The following PDE1C variants were observed in gnomAD, a reference collection of about 807,000 sequenced individuals.
The protein encoded by PDE1C is phosphodiesterase 1C.
PDE1C carries 62 observed loss-of-function variants against 93.1 expected under a neutral mutation model. That is an observed-to-expected ratio of 0.67 (90% CI 0.54 to 0.82). The LOEUF (loss-of-function observed/expected upper bound fraction) is 0.82, where lower values mean the gene tolerates loss of function less well. PDE1C is among the 40% of genes least tolerant of loss of function. The pLI is 0.00. For missense variants in PDE1C, 742 were observed against 884.6 expected (o/e 0.84, Z 2.04); for synonymous variants, 325 against 310.1 (o/e 1.05, Z -0.50).
chr7:31,643,792 T>C, the PDE1C span: 1 of 1,613,980 alleles, frequency 6.2e-7, no homozygotes, highest in Non-Finnish European at 8.5e-7. Context: ...CTGCTGCATC[T>C]GCTGTCATCA....
chr7:32,013,390 G>GA (rs1157097563), intron 2 of PDE1C, among the ~76,000 whole-genome samples: 1 of 152,174 alleles, frequency 6.6e-6, no homozygotes, highest in Non-Finnish European at 1.5e-5. Context: ...ACTTTCTGCA[G>GA]AAAGGTACAC....
chr7:32,258,828 CTT>C (rs946200387), intron 1 of PDE1C, among the ~76,000 whole-genome samples: 6 of 152,156 alleles, frequency 3.9e-5, no homozygotes, highest in Non-Finnish European at 8.8e-5. Flanking sequence ...TCAAGGAATC[CTT>C]CAAAAGGCCC....
the PDE1C span, among the ~76,000 whole-genome samples, chr7:31,663,871 A>G: frequency 6.6e-6 from 1 of 152,178 alleles, no homozygotes; most frequent in African/African-American, 2.4e-5. Context: ...TTCTGCACGT[A>G]TTTCATTCTC....
intron 16 of PDE1C, chr7:31,788,704 A>C (rs968929411): frequency 2.0e-5 from 3 of 152,218 alleles, no homozygotes; most frequent in African/African-American, 7.2e-5. Context: ...TTCTGGCCAC[A>C]TTATGTGGTG....
chr7:31,647,710 A>AGAAGACGATGACGACAACGACGAC, the PDE1C span, among the ~76,000 whole-genome samples: 2 of 149,668 alleles, frequency 1.3e-5, no homozygotes, highest in Non-Finnish European at 3.0e-5. Flanking sequence ...AGGAAGAAGA[A>AGAAGACGATGACGACAACGACGAC]GACGATGACG....
the PDE1C span, among the ~76,000 whole-genome samples, chr7:31,634,075 T>A: frequency 6.6e-6 from 1 of 152,180 alleles, no homozygotes; most frequent in Non-Finnish European, 1.5e-5. Context: ...ACCAGGTTCT[T>A]CCACTCTGTG....
rs988326506 is a variant in PDE1C, at chr7:32,086,065, T to C, written c.308+83720A>G. 1.7e-3 allele frequency among the ~76,000 whole-genome samples: 257 copies of C among 151,508 alleles called. 1 individual carries two copies. Among genetic ancestry groups the C allele is most frequent in the African/African-American group, 5.7e-3 (234 of 41,180 alleles). ...ATTAGGAAAAGAGGAAGTCAAATTG[T>C]CCCTGTTTGCAGATGACATGATTGT... On this transcript the variant is annotated intron_variant, in intron 3 of 18. Coordinates refer to the PDE1C transcript ENST00000396193.
intron 2 of PDE1C, among the ~76,000 whole-genome samples, chr7:32,034,054 C>CTGTGTG (rs5883321): frequency 0.056 from 8,268 of 148,434 alleles, 312 homozygotes; most frequent in African/African-American, 0.12. Flanking sequence ...AGATGAGAGA[C>CTGTGTG]TGTGTGTGTG....
chr7:31,948,823 C>T (rs988885246), intron 2 of PDE1C, among the ~76,000 whole-genome samples: 8 of 152,108 alleles, frequency 5.3e-5, no homozygotes, highest in Non-Finnish European at 2.9e-5. Flanking sequence ...AATCTGGCAA[C>T]CAAGATCCAC....
At chr7:32,225,940 C>G (rs1050299989) in intron 1 of PDE1C, among the ~76,000 whole-genome samples, 1 of 152,108 alleles carries the variant, frequency 6.6e-6, no homozygotes, top group Non-Finnish European at 1.5e-5. Flanking sequence ...TGCTTGTAGT[C>G]CCAGCTACTC....
rs568894752 is a variant in PDE1C at position 32,281,360 on chromosome 7, T to C, written c.85+17291A>G. Among the ~76,000 whole-genome samples the C allele has an allele frequency of 2.6e-5, 4 of 152,156 alleles. No individual in the cohort carries two copies. The South Asian group carries it at 6.2e-4, about 24-fold the overall frequency. On this transcript the variant is annotated intron_variant, in intron 1 of 18. Transcript: ENST00000396193. ...AACTGTGAAAATTATTTGCAACAAA[T>C]ATCACAAAGGCTGAATAGCCTTAAT...
At chr7:32,199,925 T>A (rs527780800) in intron 2 of PDE1C, among the ~76,000 whole-genome samples, 1 of 152,330 alleles carries the variant, frequency 6.6e-6, no homozygotes, top group South Asian at 2.1e-4. Flanking sequence ...GTTTCACGGA[T>A]GAAATTATTT....
intron 1 of PDE1C, among the ~76,000 whole-genome samples, chr7:32,251,105 T>C (rs117643170): frequency 1.4e-4 from 22 of 152,350 alleles, no homozygotes; most frequent in Middle Eastern, 3.4e-3. Flanking sequence ...ACAAGGCTAA[T>C]GCTAACTTCT....
chr7:32,298,175 C>G (rs1316323038), intron 1 of PDE1C, among the ~76,000 whole-genome samples: 1 of 151,648 alleles, frequency 6.6e-6, no homozygotes, highest in Non-Finnish European at 1.5e-5. Flanking sequence ...ACGTCCGCCT[C>G]TATCTCTGGG....
the PDE1C span, among the ~76,000 whole-genome samples, chr7:31,682,459 A>G: frequency 6.6e-6 from 1 of 152,220 alleles, no homozygotes; most frequent in Non-Finnish European, 1.5e-5. Context: ...GGTAAAACAA[A>G]AAATAGTAAC....
intron 12 of PDE1C, among the ~76,000 whole-genome samples, chr7:31,826,562 C>T (rs1463129404): frequency 3.3e-5 from 5 of 152,252 alleles, no homozygotes; most frequent in Middle Eastern, 3.4e-3. Flanking sequence ...TTCCCCACAA[C>T]CTTTGTAAAT....
intron 3 of PDE1C, among the ~76,000 whole-genome samples, chr7:32,086,265 GA>G (rs1797066111): frequency 6.6e-6 from 1 of 150,552 alleles, no homozygotes; most frequent in South Asian, 2.1e-4. Context: ...TTGCTTCAAA[GA>G]GAATAAAATA....
chr7:32,098,647 G>A (rs888555500), intron 3 of PDE1C, among the ~76,000 whole-genome samples: 1 of 152,156 alleles, frequency 6.6e-6, no homozygotes, highest in African/African-American at 2.4e-5. Context: ...TTACGTTGGA[G>A]ATATTTAGCT....
intron 17 of PDE1C, among the ~76,000 whole-genome samples, chr7:31,766,111 G>A (rs186440366): frequency 3.2e-4 from 49 of 152,254 alleles, no homozygotes; most frequent in Admixed American, 1.5e-3. Context: ...TGGGCCCGGC[G>A]CGGTGGCTCA....
Sources: allele counts gnomAD v4.1 joint callset (sites outside exome capture counted in the v4.1 genomes callset), GRCh38; gene constraint gnomAD v4.1.1; transcripts MANE v1.5; gene names NCBI Gene and HGNC (gene_info 2026-07-23, HGNC 2026-07-21).